Variants in MDGA2 observed in about 807,000 individuals in gnomAD.
MDGA2 encodes the protein MAM domain containing glycosylphosphatidylinositol anchor 2, also known as MAM domain-containing glycosylphosphatidylinositol anchor protein 2.
MDGA2 carries 40 observed loss-of-function variants against 117.8 expected under a neutral mutation model. That is an observed-to-expected ratio of 0.34 (90% confidence interval 0.26 to 0.44). The LOEUF (loss-of-function observed/expected upper bound fraction) is 0.44. Ranked by LOEUF, MDGA2 falls within the 20% of genes least tolerant of loss-of-function variation. The pLI is 1.00. For missense variants in MDGA2, 1,123 were observed against 1,250.6 expected, an observed-to-expected ratio of 0.90 and a Z score of 1.54; for synonymous variants, 452 against 439.0, an observed-to-expected ratio of 1.03 and a Z score of -0.37.
At chr14:47,318,809 AGAAGGAAG>A (rs889892249) in intron 1 of MDGA2, among the ~76,000 whole-genome samples, 92 of 91,750 alleles carry the variant, frequency 1.0e-3, no homozygotes, top group South Asian at 1.2e-3. Flanking sequence ...AAGGGAGGAA[AGAAGGAAG>A]GAAGGAAGGA....
intron 2 of MDGA2, among the ~76,000 whole-genome samples, chr14:47,250,370 T>A (rs1054697399): frequency 3.3e-5 from 5 of 152,256 alleles, no homozygotes; most frequent in Admixed American, 3.3e-4. Flanking sequence ...TTTATTTGTT[T>A]GTTTACTTAC....
intron 7 of MDGA2, among the ~76,000 whole-genome samples, chr14:47,044,968 C>T (rs1173278974): frequency 6.6e-6 from 1 of 152,142 alleles, no homozygotes; most frequent in Non-Finnish European, 1.5e-5. Context: ...AGATGGGGAG[C>T]ATGCAGTGCC....
At chr14:47,437,447 T>G (rs1045482436) in intron 1 of MDGA2, among the ~76,000 whole-genome samples, 1 of 152,180 alleles carries the variant, frequency 6.6e-6, no homozygotes, top group African/African-American at 2.4e-5. Flanking sequence ...AGTTGTTCCA[T>G]GCTGCTTATA....
intron 3 of MDGA2, among the ~76,000 whole-genome samples, chr14:47,171,730 G>A (rs915518806): frequency 6.6e-6 from 1 of 152,212 alleles, no homozygotes; most frequent in Admixed American, 6.5e-5. Flanking sequence ...CAGAAGATGG[G>A]AGATTTCTGC....
At chr14:47,320,353 A>G (rs1889944376) in intron 1 of MDGA2, among the ~76,000 whole-genome samples, 1 of 152,118 alleles carries the variant, frequency 6.6e-6, no homozygotes, top group East Asian at 1.9e-4. Context: ...CTGCAACTCC[A>G]GCCTGGGTGA....
chr14:46,898,026 A>C (rs533684667), intron 10 of MDGA2, among the ~76,000 whole-genome samples: 5 of 152,132 alleles, frequency 3.3e-5, no homozygotes, highest in Admixed American at 1.3e-4. Context: ...TCTGAAATTC[A>C]GAGACCATAC....
chr14:47,256,959 GA>G (rs1245798308), intron 2 of MDGA2, among the ~76,000 whole-genome samples: 7 of 148,860 alleles, frequency 4.7e-5, no homozygotes, highest in Non-Finnish European at 7.4e-5. Context: ...GAAAGGGAAA[GA>G]AAAAAAGAGA....
intron 14 of MDGA2, among the ~76,000 whole-genome samples, chr14:46,856,638 A>C (rs866300919): frequency 6.6e-6 from 1 of 152,040 alleles, no homozygotes; most frequent in Non-Finnish European, 1.5e-5. Context: ...GTCATTTTAA[A>C]TTCAATGTTT....
At chr14:47,049,760 C>T (rs1200713894) in intron 7 of MDGA2, among the ~76,000 whole-genome samples, 3 of 151,976 alleles carry the variant, frequency 2.0e-5, no homozygotes, top group Non-Finnish European at 4.4e-5. Context: ...AGTGCAGTGG[C>T]AGTCTTCTCT....
intron 1 of MDGA2, among the ~76,000 whole-genome samples, chr14:47,346,128 G>A (rs1372967379): frequency 6.6e-6 from 1 of 152,040 alleles, no homozygotes; most frequent in African/African-American, 2.4e-5. Context: ...AATGTATAAG[G>A]TGACGGATAT....
At chr14:47,314,270 C>T (rs1206430272) in intron 1 of MDGA2, among the ~76,000 whole-genome samples, 1 of 152,110 alleles carries the variant, frequency 6.6e-6, no homozygotes, top group African/African-American at 2.4e-5. Context: ...CCATAGTGTG[C>T]TGGCCGCAGG....
intron 8 of MDGA2, among the ~76,000 whole-genome samples, chr14:46,982,712 A>T (rs1886722893): frequency 2.1e-5 from 3 of 144,982 alleles, no homozygotes; most frequent in African/African-American, 7.6e-5. Flanking sequence ...CATCAAAAAA[A>T]AAAAAAAAAA....
intron 1 of MDGA2, among the ~76,000 whole-genome samples, chr14:47,420,977 A>C (rs977434438): frequency 2.6e-5 from 4 of 152,118 alleles, no homozygotes; most frequent in African/African-American, 9.7e-5. Context: ...TGCCTATTTC[A>C]AGCATAAAAC....
chr14:47,007,573 C>A (rs1353163289), intron 8 of MDGA2, among the ~76,000 whole-genome samples: 3 of 151,726 alleles, frequency 2.0e-5, no homozygotes, highest in Non-Finnish European at 4.4e-5. Context: ...GTGAACATGA[C>A]CTTGCTACTT....
intron 8 of MDGA2, among the ~76,000 whole-genome samples, chr14:47,001,863 T>C (rs1031325544): frequency 6.6e-6 from 1 of 152,216 alleles, no homozygotes; most frequent in East Asian, 1.9e-4. Context: ...ATATACATTC[T>C]AGACATTTTC....
chr14:46,970,099 G>T (rs1473460565), intron 8 of MDGA2, among the ~76,000 whole-genome samples: 1 of 151,370 alleles, frequency 6.6e-6, no homozygotes, highest in Non-Finnish European at 1.5e-5. Context: ...AAGAAGAATT[G>T]ATGTCATTAA....
At chr14:46,929,637 A>T (rs1447799656) in intron 9 of MDGA2, among the ~76,000 whole-genome samples, 3,352 of 23,770 alleles carry the variant, frequency 0.14, 756 homozygotes, top group Non-Finnish European at 0.2. Context: ...ATATATATAT[A>T]TATATATATA....
At chr14:46,908,626 A>G (rs1883586429) in intron 10 of MDGA2, among the ~76,000 whole-genome samples, 1 of 152,124 alleles carries the variant, frequency 6.6e-6, no homozygotes, top group Non-Finnish European at 1.5e-5. Context: ...CAGACATAAT[A>G]CATCCTCAAA....
intron 10 of MDGA2, among the ~76,000 whole-genome samples, chr14:46,889,898 C>T (rs1262309260): frequency 1.3e-5 from 2 of 151,988 alleles, no homozygotes; most frequent in Non-Finnish European, 2.9e-5. Flanking sequence ...TCCTTCTTTC[C>T]TACTCTGGTG....
Sources: allele counts gnomAD v4.1 joint callset (sites outside exome capture counted in the v4.1 genomes callset), GRCh38; gene constraint gnomAD v4.1.1; transcripts MANE v1.5; gene names NCBI Gene and HGNC (gene_info 2026-07-23, HGNC 2026-07-21).